RICTOR: variants seen among roughly 807,000 people sequenced by gnomAD.
RICTOR encodes rapamycin-insensitive companion of mTOR.
Under a neutral mutation model 214.9 loss-of-function variants are expected in RICTOR, and 49 were observed. The observed-to-expected ratio is 0.23, with a 90% CI of 0.18 to 0.29. The LOEUF is 0.29. Ranked by LOEUF, RICTOR falls within the 10% of genes least tolerant of loss-of-function variation. The probability of loss-of-function intolerance (pLI) is 1.00; values close to 1 mark genes in which losing one functional copy is unlikely to be tolerated. For missense variants in RICTOR, 1,625 were observed against 2,047.0 expected (o/e 0.79, Z 3.98); for synonymous variants, 717 against 711.3 (o/e 1.01, Z -0.13).
intron 3 of RICTOR, among the ~76,000 whole-genome samples, chr5:39,007,241 C>T (rs1754156167): frequency 6.6e-6 from 1 of 152,068 alleles, no homozygotes; most frequent in South Asian, 2.1e-4. Flanking sequence ...ACTCTGGAGG[C>T]CAGAAATCTA....
chr5:38,999,027 C>CAAAAAAAAAAAAAAAAAAAAAAAAAAA (rs1186312478), intron 5 of RICTOR, among the ~76,000 whole-genome samples: 1 of 25,342 alleles, frequency 3.9e-5, no homozygotes, highest in Non-Finnish European at 7.4e-5. Flanking sequence ...AACAAACAGG[C>CAAAAAAAAAAAAAAAAAAAAAAAAAAA]AAAAAAAAAA....
At chr5:38,968,929 A>G (rs1475204475) in intron 11 of RICTOR, among the ~76,000 whole-genome samples, 1 of 148,054 alleles carries the variant, frequency 6.8e-6, no homozygotes, top group Non-Finnish European at 1.5e-5. Context: ...CTAACCCTGT[A>G]TAGGCCTAGG....
intron 6 of RICTOR, 37 bp downstream of exon 6, chr5:38,996,782 C>A: frequency 1.5e-6 from 2 of 1,326,344 alleles, no homozygotes; most frequent in Non-Finnish European, 2.1e-6. Flanking sequence ...ACATAAAAAC[C>A]ATAAATTTGC....
Position 38,975,614 on chromosome 5 carries a change from G to A in RICTOR, c.822-10C>T, listed in dbSNP as rs1360058507. ...TGCTTCTCTGTCTTCTCTGTTGGGG[G>A]TGGGGAGGCAGCGGGGAGAATCAAT... On this transcript the variant is annotated splice_polypyrimidine_tract_variant and intron_variant, in intron 9 of 37. Transcript: ENST00000357387. 1 of 1,611,106 alleles carries A rather than the reference G, an allele frequency of 6.2e-7. No homozygotes were observed. Among genetic ancestry groups the A allele is most frequent in the Non-Finnish European group, 8.5e-7 (1 of 1,177,472 alleles).
intron 16 of RICTOR, 45 bp from the exon 17 acceptor site, chr5:38,963,086 T>C: frequency 7.3e-7 from 1 of 1,376,704 alleles, no homozygotes; most frequent in Non-Finnish European, 1.0e-6. Flanking sequence ...AAGACCAATA[T>C]AATTTAAGAG....
At chr5:39,029,521 C>A (rs1756107909) in intron 2 of RICTOR, among the ~76,000 whole-genome samples, 1 of 152,050 alleles carries the variant, frequency 6.6e-6, no homozygotes, top group African/African-American at 2.4e-5. Context: ...CAATAAATAA[C>A]ACAACACAAA....
At chr5:39,069,951 C>G (rs997290057) in intron 2 of RICTOR, among the ~76,000 whole-genome samples, 8 of 152,172 alleles carry the variant, frequency 5.3e-5, no homozygotes, top group African/African-American at 1.9e-4. Context: ...CCTCTGTTTC[C>G]TATATAGTTT....
chr5:39,074,267 A>C, intron 1 of RICTOR, 62 bp downstream of exon 1: 1 of 1,577,104 alleles, frequency 6.3e-7, no homozygotes, highest in Middle Eastern at 1.7e-4. Context: ...GGGCCAGGGG[A>C]AGGCAAGTGC....
chr5:38,960,114 T>C, intron 20 of RICTOR, 136 bp from the exon 21 acceptor site: 1 of 694,816 alleles, frequency 1.4e-6, no homozygotes, highest in East Asian at 2.6e-5. Flanking sequence ...TGAGTACCTG[T>C]TGTTTTCTAA....
At chr5:39,056,371 T>A (rs899300661) in intron 2 of RICTOR, among the ~76,000 whole-genome samples, 1 of 152,244 alleles carries the variant, frequency 6.6e-6, no homozygotes, top group East Asian at 1.9e-4. Flanking sequence ...CAGTGGCTCA[T>A]ACCTACAATC....
chr5:38,958,829 G>C lies in RICTOR; in HGVS notation c.2181C>G (p.Ala727=). The stretch of plus-strand genomic sequence containing the variant: ...AATGTTTTGTTGCATAGAGTCTGCA[G>C]GCCTATAAGGATAAATGAATACATT... ...LSKILTAATD[A]CRLYATKHLR... Residue 727 remains alanine (A), a splice_region_variant and synonymous_variant, in exon 23 of 38, where the codon GCC becomes GCG. Coordinates refer to ENST00000357387, the MANE Select transcript of RICTOR (RefSeq NM_152756.5). The C allele has an allele frequency of 6.4e-7, 1 of 1,555,434 alleles. No homozygotes were observed. Among genetic ancestry groups the C allele is most frequent in the Non-Finnish European group, 8.7e-7 (1 of 1,155,476 alleles).
At chr5:39,014,748 C>A (rs1754812355) in intron 3 of RICTOR, among the ~76,000 whole-genome samples, 1 of 152,112 alleles carries the variant, frequency 6.6e-6, no homozygotes, top group Non-Finnish European at 1.5e-5. Context: ...TGTCAGAAGG[C>A]AAGCATGGGT....
rs1172482827 is a variant in RICTOR, at chr5:38,958,489, G to C, written c.2374C>G (p.Pro792Ala). 1 of 1,612,490 alleles carries C rather than the reference G, an allele frequency of 6.2e-7. No individual in the cohort carries two copies. The highest frequency in any genetic ancestry group is 1.1e-5 in the South Asian group (1 of 91,030). The change falls in exon 24 of 38, where the codon CCA (proline) becomes GCA (alanine). Residue 792 changes from proline (P) to alanine (A), a missense_variant. Physicochemically the swap from Pro to Ala is conservative, Grantham distance 27. Around this residue, in one of 5 missense-constraint regions of RICTOR, gnomAD observed 1,214 missense variants for 1,470.5 expected, o/e 0.83. Coordinates refer to ENST00000357387, the MANE Select transcript of RICTOR (RefSeq NM_152756.5). ...ANLHALIQMK[P>A]ALSHLGDKGL... ...TTGTCTCCAAGGTGGGATAACGCTG[G>C]TTTCATCTGAATGAGAGCATGAAGA...
At chr5:39,049,614 A>T (rs1463812149) in intron 2 of RICTOR, among the ~76,000 whole-genome samples, 1 of 151,750 alleles carries the variant, frequency 6.6e-6, no homozygotes, top group Non-Finnish European at 1.5e-5. Context: ...AGAAGTAAAA[A>T]GAACACTAAA....
At chr5:39,072,233 C>A (rs1272560229) in intron 2 of RICTOR, among the ~76,000 whole-genome samples, 1 of 152,110 alleles carries the variant, frequency 6.6e-6, no homozygotes, top group Non-Finnish European at 1.5e-5. Flanking sequence ...TCTATATTAA[C>A]CTGGAAATAC....
intron 2 of RICTOR, among the ~76,000 whole-genome samples, chr5:39,027,269 C>A (rs563657785): frequency 6.6e-6 from 1 of 151,928 alleles, no homozygotes; most frequent in East Asian, 1.9e-4. Flanking sequence ...GTATATACTT[C>A]AAAAATATTT....
rs1749209477 is a variant in RICTOR, at chr5:38,955,786, G to A, written c.2500-82C>T. The stretch of plus-strand genomic sequence containing the variant: ...AAATATGTCAGATACTTAGCAAAGG[G>A]TAGACAGATCAAGGTATTATGAATG... On this transcript the variant is annotated intron_variant, in intron 25 of 37. Transcript: ENST00000357387. 7.5e-6 allele frequency: 6 copies of A among 796,232 alleles called. No homozygotes were observed. In the Admixed American group the frequency reaches 9.3e-5, roughly 12 times the overall value. 49.3% of individuals were successfully genotyped at this position (796,232 alleles called of 1,614,324 possible).
chr5:39,042,110 A>G (rs1309775347), intron 2 of RICTOR, among the ~76,000 whole-genome samples: 3 of 152,252 alleles, frequency 2.0e-5, no homozygotes, highest in Non-Finnish European at 4.4e-5. Context: ...AGTAATCTGC[A>G]TTTATAGGAA....
intron 5 of RICTOR, among the ~76,000 whole-genome samples, chr5:38,998,893 G>A (rs764319369): frequency 4.0e-5 from 6 of 151,596 alleles, no homozygotes; most frequent in South Asian, 2.1e-4. Flanking sequence ...GTGCGCACCC[G>A]CAGTCCCAGC....
Sources: gnomAD v4.1 joint callset for allele counts (sites outside exome capture counted in the v4.1 genomes callset) on GRCh38, gnomAD v4.1.1 for gene constraint, gnomAD v4.1.1 regional missense constraint, MANE v1.5 for transcripts, NCBI Gene and HGNC (gene_info 2026-07-23, HGNC 2026-07-21) for gene names.